DYSF: variants seen among roughly 807,000 people sequenced by gnomAD.
The protein encoded by DYSF is dystrophy-associated fer-1-like 1.
Under a neutral mutation model 274.9 loss-of-function variants are expected in DYSF, and 212 were observed. That is an observed-to-expected ratio of 0.77 (90% CI 0.69 to 0.86). The LOEUF (loss-of-function observed/expected upper bound fraction) is 0.86, where lower values mean the gene tolerates loss of function less well. Ranked by LOEUF, DYSF falls within the 40% of genes least tolerant of loss-of-function variation. DYSF has a pLI of 0.00. For missense variants in DYSF, 2,666 were observed against 2,783.2 expected (o/e 0.96, Z 0.95); for synonymous variants, 1,091 against 1,078.7 (o/e 1.01, Z -0.22).
intron 17 of DYSF, among the ~76,000 whole-genome samples, chr2:71,540,580 A>G (rs2089842892): frequency 6.6e-6 from 1 of 151,976 alleles, no homozygotes; most frequent in Non-Finnish European, 1.5e-5. Context: ...AGGTCAAAAT[A>G]GTATTTCATT....
upstream of DYSF, among the ~76,000 whole-genome samples, chr2:71,465,902 G>A (rs556263924): frequency 6.6e-6 from 1 of 152,336 alleles, no homozygotes; most frequent in South Asian, 2.1e-4. Flanking sequence ...TTCCACTGTG[G>A]AGACTAGGGA....
At chr2:71,577,474 C>T (rs962804731) in intron 30 of DYSF, among the ~76,000 whole-genome samples, 9 of 150,500 alleles carry the variant, frequency 6.0e-5, no homozygotes, top group African/African-American at 2.0e-4. Context: ...ACACTCTCTA[C>T]ACACTCCCAT....
chr2:71,509,142 C>T (rs2085809893), intron 4 of DYSF, among the ~76,000 whole-genome samples: 1 of 152,104 alleles, frequency 6.6e-6, no homozygotes, highest in Admixed American at 6.5e-5. Context: ...AGGCGTGAGC[C>T]ACTGTGCCCA....
chr2:71,613,508 C>T (rs1331520957), intron 40 of DYSF, 98 bp downstream of exon 40: 1 of 1,047,522 alleles, frequency 9.5e-7, no homozygotes, highest in African/African-American at 1.6e-5. Flanking sequence ...ATCACACAGC[C>T]TCTATACACA....
At chr2:71,508,823 C>T (rs949137994) in intron 4 of DYSF, among the ~76,000 whole-genome samples, 9 of 152,130 alleles carry the variant, frequency 5.9e-5, no homozygotes, top group Non-Finnish European at 1.2e-4. Flanking sequence ...AACCTTTACC[C>T]GTGAGTTCTA....
chr2:71,570,449 C>T (rs192373239), intron 28 of DYSF, 115 bp downstream of exon 28: 2 of 1,415,292 alleles, frequency 1.4e-6, no homozygotes, highest in Admixed American at 1.9e-5. Context: ...AGGGACGCTT[C>T]TTGAAGGCAC....
At chr2:71,554,318 G>A (rs920388504) in intron 21 of DYSF, among the ~76,000 whole-genome samples, 21 of 152,242 alleles carry the variant, frequency 1.4e-4, no homozygotes, top group Admixed American at 8.5e-4. Context: ...AGCTAGAGGC[G>A]AGAGGTGAGC....
chr2:71,555,857 G>A (rs1203953726), intron 21 of DYSF, 108 bp from the exon 22 acceptor site: 1 of 868,812 alleles, frequency 1.2e-6, no homozygotes, highest in Non-Finnish European at 1.9e-6. Context: ...TGCTCTAACT[G>A]TTCACTCCTT....
chr2:71,682,446 A>G lies in DYSF; in HGVS notation c.6174-84A>G, dbSNP rs1017153745. 1.1e-5 allele frequency: 17 copies of G among 1,581,252 alleles called. 1 individual carries two copies. In the African/African-American group the frequency reaches 1.8e-4, roughly 16 times the overall value. ...GGGGTGGACTGTGGAGGGCCAGGCCATTGGACCTGCTGTTGAGAGAAGAGT... is the reference window on the plus strand; with the variant it reads ...GGGGTGGACTGTGGAGGGCCAGGCCGTTGGACCTGCTGTTGAGAGAAGAGT... On this transcript the variant is annotated intron_variant, in intron 54 of 55. Transcript: ENST00000410020.
At chr2:71,516,137 A>G (rs2152735171) in intron 8 of DYSF, 43 bp from the exon 9 acceptor site, 2 of 1,590,972 alleles carry the variant, frequency 1.3e-6, no homozygotes, top group Non-Finnish European at 1.7e-6. Flanking sequence ...GGCCTGAGGG[A>G]TCAGCAGGCA....
Position 71,553,931 on chromosome 2 carries a change from G to A in DYSF, c.2109G>A (p.Leu703=), listed in dbSNP as rs1409006810. Residue 703 remains leucine (L), a splice_region_variant and synonymous_variant, in exon 21 of 56, where the codon CTG becomes CTA. Transcript: ENST00000410020. ...QNQLLGIADR[L]EAGLEQVHLA... The stretch of plus-strand genomic sequence containing the variant: ...AGCTGCTTGGGATTGCTGACCGGCT[G>A]GTGAGTGAAAACTTGCCCAAAGCTG... 3 of 1,614,152 alleles carry A rather than the reference G, an allele frequency of 1.9e-6. No individual in the cohort carries two copies. In the Admixed American group the frequency reaches 5.0e-5, roughly 27 times the overall value.
intron 30 of DYSF, among the ~76,000 whole-genome samples, chr2:71,584,970 A>G (rs2093017376): frequency 6.6e-6 from 1 of 152,354 alleles, no homozygotes; most frequent in African/African-American, 2.4e-5. Context: ...ATTTAACAAG[A>G]GCCTAGAGAG....
intron 29 of DYSF, among the ~76,000 whole-genome samples, chr2:71,571,840 T>C (rs867548719): frequency 7.9e-3 from 410 of 51,692 alleles, no homozygotes; most frequent in African/African-American, 0.019. Flanking sequence ...ACCCAGCACA[T>C]GCACAGATCA....
intron 30 of DYSF, among the ~76,000 whole-genome samples, chr2:71,581,390 G>A (rs367952727): frequency 6.6e-6 from 1 of 152,180 alleles, no homozygotes; most frequent in East Asian, 1.9e-4. Context: ...TTCCACTTAA[G>A]GTTGCAATCA....
At chr2:71,618,019 T>TAGA (rs2093949268) in intron 40 of DYSF, among the ~76,000 whole-genome samples, 8 of 86,294 alleles carry the variant, frequency 9.3e-5, no homozygotes, top group Admixed American at 1.4e-4. Flanking sequence ...AGAGATGGGG[T>TAGA]GTGTGTGTGT....
chr2:71,524,749 C>A (rs1029969804), intron 12 of DYSF, among the ~76,000 whole-genome samples: 10 of 152,248 alleles, frequency 6.6e-5, no homozygotes, highest in Non-Finnish European at 1.5e-4. Context: ...CATGAGTTGC[C>A]TCCTCGTCTG....
chr2:71,593,158 G>A (rs2093318182), intron 32 of DYSF, among the ~76,000 whole-genome samples: 1 of 120,432 alleles, frequency 8.3e-6, no homozygotes, highest in South Asian at 2.7e-4. Context: ...TTGAGACAGA[G>A]TTTCGCTCTT....
chr2:71,487,035 C>T (rs555618170), intron 3 of DYSF, among the ~76,000 whole-genome samples: 5 of 152,276 alleles, frequency 3.3e-5, no homozygotes, highest in South Asian at 2.1e-4. Context: ...GTTCTGATTT[C>T]GTTGGTTTGG....
At position 71,678,716 on chromosome 2, in the gene DYSF, T is replaced by TA. The variant is rs763171763; in HGVS notation, c.5885-332dup. ...TGTATTTTACCATGATAAAAATAATTAAAAAAAAATTGATGTATGGCTGTT... is the reference window on the plus strand; with the variant it reads ...TGTATTTTACCATGATAAAAATAATTAAAAAAAAAATTGATGTATGGCTGTT... On this transcript the variant is annotated intron_variant, in intron 52 of 55. Transcript: ENST00000410020. Among the ~76,000 whole-genome samples the TA allele has an allele frequency of 1.3e-3, 205 of 151,892 alleles. 2 individuals are homozygous for TA. The highest frequency in any genetic ancestry group is 4.2e-3 in the African/African-American group (174 of 41,426).
Sources: allele counts gnomAD v4.1 joint callset (sites outside exome capture counted in the v4.1 genomes callset), GRCh38; gene constraint gnomAD v4.1.1; transcripts MANE v1.5; gene names NCBI Gene and HGNC (gene_info 2026-07-23, HGNC 2026-07-21).